Variants in USP34 observed in about 807,000 individuals in gnomAD.
USP34 encodes ubiquitin carboxyl-terminal hydrolase 34.
USP34 carries 70 observed loss-of-function variants against 460.3 expected under a neutral mutation model. The ratio of observed to expected loss-of-function variants is 0.15; its 90% CI spans 0.13 to 0.19. USP34 has a LOEUF of 0.19. Among genes scored for constraint, USP34 ranks in the 10% least tolerant of loss-of-function variants. The pLI, the probability that USP34 is intolerant of heterozygous loss-of-function variation, is 1.00. For missense variants in USP34, 3,985 were observed against 4,236.2 expected (o/e 0.94, Z 1.65); for synonymous variants, 1,647 against 1,405.3 (o/e 1.17, Z -3.85).
At chr2:61,228,752 T>C (rs1572852156) in intron 60 of USP34, 33 bp from the exon 61 acceptor site, 3 of 1,595,482 alleles carry the variant, frequency 1.9e-6, no homozygotes, top group Non-Finnish European at 2.6e-6. Context: ...TTTAAAAATA[T>C]AAAATAAAAG....
chr2:61,190,751 T>A, intron 76 of USP34, 93 bp from the exon 77 acceptor site: 2 of 1,442,860 alleles, frequency 1.4e-6, no homozygotes. Flanking sequence ...TACACTTGTG[T>A]ATGATGGAAT....
chr2:61,189,330 T>C (rs1686551580), intron 78 of USP34: 1 of 293,062 alleles, frequency 3.4e-6, no homozygotes. Context: ...TGGAGTGCAG[T>C]GGTGTAATCT....
intron 59 of USP34, among the ~76,000 whole-genome samples, 182 bp from the exon 60 acceptor site, chr2:61,229,177 G>C (rs549796360): frequency 1.3e-5 from 2 of 152,182 alleles, no homozygotes; most frequent in Admixed American, 1.3e-4. Context: ...AAGCCATAAA[G>C]TAATTTGTAG....
intron 41 of USP34, among the ~76,000 whole-genome samples, chr2:61,268,970 G>A (rs1311350544): frequency 6.6e-6 from 1 of 151,280 alleles, no homozygotes; most frequent in Non-Finnish European, 1.5e-5. Flanking sequence ...ACTAAATATA[G>A]AAGAAATTTA....
chr2:61,447,191 G>A (rs557764430), intron 1 of USP34, among the ~76,000 whole-genome samples: 2 of 141,094 alleles, frequency 1.4e-5, no homozygotes. Context: ...GAAGGCAGAG[G>A]TTGCAGTGAG....
rs781418931 is a variant in USP34 at position 61,223,183 on chromosome 2, GTTCAT to G, written c.7645-24_7645-20del. Reference sequence around the variant, plus strand: ...GAAATCCCTGTCAAAAGCAAAAGTTGTTCATTTAAGAACCGTTATTATTTTTGTGA... The same window carrying G: ...GAAATCCCTGTCAAAAGCAAAAGTTGTTAAGAACCGTTATTATTTTTGTGA... On this transcript the variant is annotated intron_variant, in intron 63 of 79. Transcript: ENST00000398571. The G allele has an allele frequency of 6.2e-7, 1 of 1,612,906 alleles. No individual in the cohort carries two copies. The highest frequency in any genetic ancestry group is 2.2e-5 in the East Asian group (1 of 44,844).
chr2:61,233,824 G>A (rs1208038053), intron 57 of USP34, among the ~76,000 whole-genome samples: 2 of 146,098 alleles, frequency 1.4e-5, no homozygotes, highest in Non-Finnish European at 3.0e-5. Context: ...GGATGACAGA[G>A]TGACACCCAC....
At chr2:61,222,115 TAA>T (rs910223229) in intron 65 of USP34, among the ~76,000 whole-genome samples, 4 of 152,278 alleles carry the variant, frequency 2.6e-5, no homozygotes, top group African/African-American at 7.2e-5. Flanking sequence ...ACCCCAAAAA[TAA>T]ATTGTTAATG....
Position 61,418,266 on chromosome 2 carries a change from G to C in USP34, c.131+2480C>G, listed in dbSNP as rs142337198. Among the ~76,000 whole-genome samples the C allele has an allele frequency of 1.6e-3, 239 of 151,976 alleles. 6 individuals carry two copies. In the East Asian group the frequency reaches 0.024, roughly 15 times the overall value. ...GGCTAATTTTTGTATTTTTAGTAGA[G>C]ATGGGGTTTCACCATGTTGGTCAGG... On this transcript the variant is annotated intron_variant, in intron 2 of 79. Transcript: ENST00000398571.
intron 7 of USP34, among the ~76,000 whole-genome samples, 172 bp from the exon 8 acceptor site, chr2:61,378,596 T>C (rs889644004): frequency 1.3e-5 from 2 of 152,044 alleles, no homozygotes; most frequent in Admixed American, 6.6e-5. Context: ...ACTAAAACTA[T>C]TTCTGTTATA....
intron 67 of USP34, 112 bp from the exon 68 acceptor site, chr2:61,214,806 G>C (rs892154753): frequency 2.6e-5 from 32 of 1,234,496 alleles, no homozygotes; most frequent in Admixed American, 2.0e-4. Context: ...TGAATAAAAA[G>C]GGACATGAAC....
At chr2:61,467,459 G>A (rs1169802102) in intron 1 of USP34, among the ~76,000 whole-genome samples, 2 of 151,886 alleles carry the variant, frequency 1.3e-5, no homozygotes, top group African/African-American at 4.8e-5. Flanking sequence ...TGTTTTGTGA[G>A]GTTGCTTTAA....
intron 30 of USP34, 81 bp from the exon 31 acceptor site, chr2:61,295,371 C>T (rs1439405655): frequency 7.9e-6 from 11 of 1,399,620 alleles, no homozygotes; most frequent in Non-Finnish European, 1.0e-5. Context: ...ACTGACACTA[C>T]ATAAAAACTC....
chr2:61,283,632 C>A (rs1186369908), intron 35 of USP34, among the ~76,000 whole-genome samples, 183 bp from the exon 36 acceptor site: 2 of 151,774 alleles, frequency 1.3e-5, no homozygotes, highest in Non-Finnish European at 2.9e-5. Context: ...TTTTAAAAGA[C>A]AGGAGACAGG....
chr2:61,234,880 C>T (rs946021011), intron 57 of USP34, among the ~76,000 whole-genome samples: 6 of 152,184 alleles, frequency 3.9e-5, no homozygotes, highest in Non-Finnish European at 7.3e-5. Flanking sequence ...AAGTGATCCG[C>T]CCGCCTCAGC....
chr2:61,334,794 T>C (rs1174572736), intron 18 of USP34, among the ~76,000 whole-genome samples: 3 of 152,164 alleles, frequency 2.0e-5, no homozygotes, highest in Non-Finnish European at 4.4e-5. Context: ...AAAGTAGGAA[T>C]GTAGAAATAA....
At chr2:61,364,322 T>C (rs1018174624) in intron 10 of USP34, among the ~76,000 whole-genome samples, 26 of 152,200 alleles carry the variant, frequency 1.7e-4, no homozygotes, top group South Asian at 2.1e-4. Flanking sequence ...GCTGTAATTG[T>C]GCTGCTGCAT....
intron 15 of USP34, among the ~76,000 whole-genome samples, chr2:61,346,587 G>A (rs1238718677): frequency 7.3e-6 from 1 of 136,682 alleles, no homozygotes; most frequent in African/African-American, 2.8e-5. Flanking sequence ...TGCAATCCTA[G>A]CACTTTGGCA....
At chr2:61,246,240 A>G (rs898160481) in intron 50 of USP34, 84 bp downstream of exon 50, 35 of 1,197,564 alleles carry the variant, frequency 2.9e-5, no homozygotes, top group Non-Finnish European at 3.7e-5. Context: ...CTTTTGTGGC[A>G]AGTTTTTAGA....
Sources: gnomAD v4.1 joint callset for allele counts (sites outside exome capture counted in the v4.1 genomes callset) on GRCh38, gnomAD v4.1.1 for gene constraint, MANE v1.5 for transcripts, NCBI Gene and HGNC (gene_info 2026-07-23, HGNC 2026-07-21) for gene names.